Variants in GPR137C observed in about 807,000 individuals in gnomAD.
GPR137C encodes integral membrane protein GPR137C.
Under a neutral mutation model 43.4 loss-of-function variants are expected in GPR137C, and 27 were observed. The observed-to-expected ratio is 0.62, with a 90% CI of 0.46 to 0.86. GPR137C has a LOEUF of 0.86. GPR137C is among the 40% of genes least tolerant of loss of function. The probability of loss-of-function intolerance (pLI) is 0.00; values close to 1 mark genes in which losing one functional copy is unlikely to be tolerated. For missense variants in GPR137C, 522 were observed against 534.6 expected (o/e 0.98, Z 0.23); for synonymous variants, 285 against 226.9 (o/e 1.26, Z -2.30).
chr14:52,555,827 A>G (rs561044435), intron 1 of GPR137C, among the ~76,000 whole-genome samples: 8 of 152,298 alleles, frequency 5.3e-5, no homozygotes, highest in African/African-American at 1.4e-4. Context: ...GTTGTACTTA[A>G]GAGAACAAAT....
Position 52,637,467 on chromosome 14 carries a change from C to G in GPR137C, c.*2352C>G, listed in dbSNP as rs949494762. ...TGTTTTCATCATTTCACTTGGGTGG[C>G]CATTAATTTTGAAACCTTTACCACT... On this transcript the variant is annotated 3_prime_UTR_variant, in exon 7 of 7. Transcript: ENST00000321662. 1 of 152,028 alleles carries G rather than the reference C, an allele frequency of 6.6e-6. No individual in the cohort carries two copies. The highest frequency in any genetic ancestry group is 2.4e-5 in the African/African-American group (1 of 41,392). The allele number at this position is 152,028 out of a possible 1,614,324, so 9.4% of individuals were successfully genotyped here. A position where few individuals can be genotyped will look rare whatever the true frequency, so the allele number is the denominator to read the frequency against.
At chr14:52,587,834 G>C (rs2038731958) in intron 1 of GPR137C, among the ~76,000 whole-genome samples, 1 of 152,174 alleles carries the variant, frequency 6.6e-6, no homozygotes, top group Admixed American at 6.5e-5. Context: ...AGGCCTAAAA[G>C]GATACAAGGA....
intron 1 of GPR137C, among the ~76,000 whole-genome samples, chr14:52,577,516 G>GCACA (rs3064748): frequency 0.014 from 2,055 of 145,494 alleles, 24 homozygotes; most frequent in African/African-American, 0.03. Context: ...GCGCGCGCGC[G>GCACA]CACACACACA....
At chr14:52,580,396 C>G (rs979537761) in intron 1 of GPR137C, among the ~76,000 whole-genome samples, 2 of 151,940 alleles carry the variant, frequency 1.3e-5, no homozygotes, top group African/African-American at 4.8e-5. Context: ...AGAGTCTCAC[C>G]CTGTAGCCCA....
intron 3 of GPR137C, among the ~76,000 whole-genome samples, chr14:52,609,581 T>G (rs2039017094): frequency 6.6e-6 from 1 of 152,240 alleles, no homozygotes; most frequent in Non-Finnish European, 1.5e-5. Context: ...CTAAACAGAC[T>G]GACTTGTGTT....
intron 3 of GPR137C, among the ~76,000 whole-genome samples, chr14:52,629,363 T>A (rs1293702569): frequency 6.6e-6 from 1 of 152,200 alleles, no homozygotes; most frequent in African/African-American, 2.4e-5. Context: ...CAAACTCATA[T>A]AATCAGAAAG....
chr14:52,552,888 C>T lies in GPR137C; in HGVS notation c.-260C>T, dbSNP rs1271594570. Among the ~76,000 whole-genome samples the T allele has an allele frequency of 2.6e-5, 4 of 151,886 alleles. No individual in the cohort carries two copies. Among genetic ancestry groups the T allele is most frequent in the East Asian group, 3.9e-4 (2 of 5,126 alleles). ...GGGTTTCTCAGCTGATTGTCTCCAG[C>T]CGAGAGTTGTTTTTTGCAGCTACGG... is the stretch of plus-strand genomic sequence containing the variant. On this transcript the variant is annotated 5_prime_UTR_variant, in exon 1 of 7. Transcript: ENST00000321662.
intron 1 of GPR137C, chr14:52,597,115 C>G: frequency 2.6e-6 from 1 of 386,826 alleles, no homozygotes; most frequent in Non-Finnish European, 5.3e-6. Context: ...CACCAATTTA[C>G]TCTTCATAAG....
intron 3 of GPR137C, chr14:52,613,606 G>A (rs2039063630): frequency 3.1e-5 from 6 of 192,740 alleles, no homozygotes; most frequent in South Asian, 3.0e-4. Flanking sequence ...AACATGCGAT[G>A]TTTGTCTTTC....
intron 1 of GPR137C, among the ~76,000 whole-genome samples, chr14:52,556,569 T>C (rs1049226830): frequency 1.3e-5 from 2 of 152,034 alleles, no homozygotes; most frequent in Non-Finnish European, 2.9e-5. Flanking sequence ...AAAACACATT[T>C]TGAACTTCTG....
rs144223093 is a variant in GPR137C, at chr14:52,577,881, C to G, written c.445-20391C>G. Among the ~76,000 whole-genome samples, 298 of 151,710 alleles carry G rather than the reference C, an allele frequency of 2.0e-3. 10 individuals are homozygous for G. In the East Asian group the frequency reaches 0.053, roughly 27 times the overall value. On this transcript the variant is annotated intron_variant, in intron 1 of 6. Coordinates refer to ENST00000321662, the MANE Select transcript of GPR137C (RefSeq NM_001099652.2). ...TACTGAGGCTGAGGTGGGAGGATCG[C>G]TTGAGCCTGGGAGGCAGAGGTTGCA...
chr14:52,561,006 A>C (rs2038274975), intron 1 of GPR137C, among the ~76,000 whole-genome samples: 1 of 152,222 alleles, frequency 6.6e-6, no homozygotes, highest in African/African-American at 2.4e-5. Flanking sequence ...ATAACTCAAT[A>C]AGAAAATCCA....
intron 2 of GPR137C, among the ~76,000 whole-genome samples, chr14:52,599,827 A>C (rs17125581): frequency 6.6e-6 from 1 of 152,162 alleles, no homozygotes; most frequent in Non-Finnish European, 1.5e-5. Flanking sequence ...TAAAAGCCTG[A>C]TAATTCTTGG....
chr14:52,553,706 C>T, intron 1 of GPR137C, 115 bp downstream of exon 1: 4 of 851,636 alleles, frequency 4.7e-6, no homozygotes, highest in Non-Finnish European at 7.1e-6. Flanking sequence ...GGACTGGAAA[C>T]CAGCCTGGGG....
At chr14:52,567,901 G>T (rs1390537686) in intron 1 of GPR137C, among the ~76,000 whole-genome samples, 1 of 151,970 alleles carries the variant, frequency 6.6e-6, no homozygotes, top group Non-Finnish European at 1.5e-5. Context: ...CTCGTGATCT[G>T]CCCGCCTGGG....
At chr14:52,558,195 C>T (rs969527997) in intron 1 of GPR137C, among the ~76,000 whole-genome samples, 10 of 151,612 alleles carry the variant, frequency 6.6e-5, no homozygotes, top group Non-Finnish European at 1.3e-4. Context: ...CTCCTGTTAG[C>T]CTACTGCCCA....
Position 52,553,262 on chromosome 14 carries a change from G to T in GPR137C, c.115G>T (p.Ala39Ser). 5 of 1,393,054 alleles carry T rather than the reference G, an allele frequency of 3.6e-6. No homozygotes were observed. Among genetic ancestry groups the T allele is most frequent in the Non-Finnish European group, 4.7e-6 (5 of 1,070,048 alleles). 86.3% of individuals were successfully genotyped at this position (1,393,054 alleles called of 1,614,324 possible). The change falls in exon 1 of 7, where the codon GCC becomes TCC. Residue 39 changes from alanine (A) to serine (S), a missense_variant. This residue lies in a region of GPR137C where 437 missense variants were observed against 425.7 expected (regional missense o/e 1.03). Coordinates refer to ENST00000321662, the MANE Select transcript of GPR137C (RefSeq NM_001099652.2). ...AGGCGCCGTCGCTGCAGCCTCAGGCGCCGCGGTGCCGGGCTCCGTGCAGTT... is the reference window on the plus strand; with the variant it reads ...AGGCGCCGTCGCTGCAGCCTCAGGCTCCGCGGTGCCGGGCTCCGTGCAGTT... ...GGGAVAAASG[A>S]AVPGSVQLAL...
At chr14:52,553,879 C>T (rs913321524) in intron 1 of GPR137C, among the ~76,000 whole-genome samples, 9 of 152,282 alleles carry the variant, frequency 5.9e-5, no homozygotes, top group East Asian at 1.9e-4. Context: ...GGTGTTCTGG[C>T]CCTCCGAGGT....
At chr14:52,593,159 C>G (rs1319206596) in intron 1 of GPR137C, among the ~76,000 whole-genome samples, 1 of 152,126 alleles carries the variant, frequency 6.6e-6, no homozygotes, top group African/African-American at 2.4e-5. Context: ...GTTAAACCAG[C>G]CTTGCATCCC....
Sources: allele counts gnomAD v4.1 joint callset (sites outside exome capture counted in the v4.1 genomes callset), GRCh38; gene constraint gnomAD v4.1.1; regional missense constraint gnomAD v4.1.1; transcripts MANE v1.5; gene names NCBI Gene and HGNC (gene_info 2026-07-23, HGNC 2026-07-21).